The following C1orf105 variants were observed in gnomAD, a reference collection of about 807,000 sequenced individuals.
C1orf105 encodes uncharacterized protein C1orf105.
Under a neutral mutation model 20.8 loss-of-function variants are expected in C1orf105, and 17 were observed. The observed-to-expected ratio is 0.82, with a 90% CI of 0.56 to 1.23. The LOEUF (loss-of-function observed/expected upper bound fraction) is 1.23. Among genes scored for constraint, C1orf105 ranks in the 50% most tolerant of loss-of-function variants. C1orf105 has a pLI of 0.00. For missense variants in C1orf105, 219 were observed against 213.5 expected, an observed-to-expected ratio of 1.03 and a Z score of -0.16; for synonymous variants, 72 against 72.1, an observed-to-expected ratio of 1.00 and a Z score of 0.01.
intron 6 of C1orf105, 22 bp from the exon 7 acceptor site, chr1:172,468,427 T>C: frequency 6.3e-7 from 1 of 1,593,390 alleles, no homozygotes; most frequent in Non-Finnish European, 8.6e-7. Flanking sequence ...TATCCTTCTT[T>C]CCTTCTTGTA....
At chr1:172,456,196 A>G (rs1164289227) in intron 3 of C1orf105, among the ~76,000 whole-genome samples, 1 of 151,812 alleles carries the variant, frequency 6.6e-6, no homozygotes, top group African/African-American at 2.4e-5. Context: ...CACCTAGCCT[A>G]TGTCTCACTC....
chr1:172,445,663 A>G (rs1187220310), intron 2 of C1orf105, among the ~76,000 whole-genome samples: 1 of 152,176 alleles, frequency 6.6e-6, no homozygotes, highest in Non-Finnish European at 1.5e-5. Context: ...TTACATATCT[A>G]GGGAGCATTT....
intron 1 of C1orf105, among the ~76,000 whole-genome samples, chr1:172,435,043 C>T (rs985027922): frequency 3.9e-5 from 6 of 152,124 alleles, no homozygotes; most frequent in South Asian, 2.1e-4. Context: ...CACAACTAAA[C>T]GAGGAAAGAG....
At chr1:172,435,467 TC>T (rs769451616) in intron 1 of C1orf105, among the ~76,000 whole-genome samples, 1 of 151,980 alleles carries the variant, frequency 6.6e-6, no homozygotes, top group Non-Finnish European at 1.5e-5. Flanking sequence ...ACGTAATCCA[TC>T]ACATAAACAG....
At chr1:172,444,987 G>A in intron 1 of C1orf105, 86 bp from the exon 2 acceptor site, 2 of 1,037,926 alleles carry the variant, frequency 1.9e-6, no homozygotes, top group South Asian at 2.9e-5. Context: ...TCACTATATG[G>A]CTGCTATTAG....
chr1:172,468,329 A>C, intron 6 of C1orf105, 120 bp from the exon 7 acceptor site: 2 of 774,002 alleles, frequency 2.6e-6, no homozygotes, highest in Admixed American at 6.3e-5. Flanking sequence ...TATTAGGTGA[A>C]TTTTAAATCT....
At chr1:172,448,415 A>G in intron 2 of C1orf105, 26 bp from the exon 3 acceptor site, 1 of 1,499,984 alleles carries the variant, frequency 6.7e-7, no homozygotes, top group Non-Finnish European at 9.3e-7. Context: ...CTGCGGTTCT[A>G]ACGTTCTCTT....
chr1:172,440,830 G>T (rs1647225328), intron 1 of C1orf105, among the ~76,000 whole-genome samples: 1 of 152,182 alleles, frequency 6.6e-6, no homozygotes, highest in South Asian at 2.1e-4. Flanking sequence ...ATTTCTTTTA[G>T]AATCCTATCT....
intron 4 of C1orf105, among the ~76,000 whole-genome samples, chr1:172,458,801 A>G (rs1374840007): frequency 6.6e-6 from 1 of 152,186 alleles, no homozygotes; most frequent in Non-Finnish European, 1.5e-5. Flanking sequence ...AAAACTAACT[A>G]CAAAGCTATG....
intron 1 of C1orf105, among the ~76,000 whole-genome samples, chr1:172,432,978 C>T (rs1343292579): frequency 6.6e-6 from 1 of 152,166 alleles, no homozygotes; most frequent in Non-Finnish European, 1.5e-5. Context: ...CATACACAAG[C>T]TTCAATAGCC....
chr1:172,447,965 G>GA (rs1648198017), intron 2 of C1orf105, among the ~76,000 whole-genome samples: 1 of 152,160 alleles, frequency 6.6e-6, no homozygotes, highest in African/African-American at 2.4e-5. Context: ...TAACTAGAAA[G>GA]AAAAAATGTT....
rs747673164 is a variant in C1orf105 at position 172,428,808 on chromosome 1, C to A, written c.21+7902C>A. ...TTTATTTACAGATATATTCCAAGCA[C>A]ACAGAACAGTATTTGTCATACAGTA... On this transcript the variant is annotated intron_variant, in intron 1 of 6. Transcript: ENST00000367727. 52 of 699,062 alleles carry A rather than the reference C, an allele frequency of 7.4e-5. 1 individual carries two copies. The South Asian group carries it at 7.8e-4, about 10-fold the overall frequency. 43.3% of individuals were successfully genotyped at this position (699,062 alleles called of 1,614,324 possible). A position where few individuals can be genotyped will look rare whatever the true frequency, so the allele number is the denominator to read the frequency against.
chr1:172,461,140 C>T (rs1280293938), intron 4 of C1orf105, among the ~76,000 whole-genome samples: 1 of 152,232 alleles, frequency 6.6e-6, no homozygotes, highest in Non-Finnish European at 1.5e-5. Flanking sequence ...TGGCTGCCCC[C>T]ACTATGCCCA....
At chr1:172,440,119 G>C (rs751677674) in intron 1 of C1orf105, among the ~76,000 whole-genome samples, 1 of 152,206 alleles carries the variant, frequency 6.6e-6, no homozygotes, top group African/African-American at 2.4e-5. Context: ...TCATGTCCCA[G>C]ACATTCTTGA....
chr1:172,426,159 T>C (rs867317245), intron 1 of C1orf105, among the ~76,000 whole-genome samples: 1 of 152,100 alleles, frequency 6.6e-6, no homozygotes, highest in Non-Finnish European at 1.5e-5. Context: ...CACTTCACAA[T>C]CTTACTCTAA....
At chr1:172,444,334 T>C (rs933339522) in intron 1 of C1orf105, 1 of 982,118 alleles carries the variant, frequency 1.0e-6, no homozygotes, top group Non-Finnish European at 1.2e-6. Context: ...AGGTGAGAGA[T>C]AATGGCCGCT....
At chr1:172,429,389 A>G (rs561823589) in intron 1 of C1orf105, among the ~76,000 whole-genome samples, 1 of 152,300 alleles carries the variant, frequency 6.6e-6, no homozygotes, top group Admixed American at 6.5e-5. Context: ...GAGACCTCAG[A>G]CTCATTAATT....
chr1:172,426,776 C>T (rs1291481231), intron 1 of C1orf105, among the ~76,000 whole-genome samples: 2 of 152,148 alleles, frequency 1.3e-5, no homozygotes, highest in Non-Finnish European at 2.9e-5. Flanking sequence ...GCCCTCTGTC[C>T]TTCACCCTTC....
At chr1:172,449,659 G>T (rs1648392316) in intron 3 of C1orf105, among the ~76,000 whole-genome samples, 1 of 152,132 alleles carries the variant, frequency 6.6e-6, no homozygotes, top group Non-Finnish European at 1.5e-5. Context: ...GAGCAGAGAG[G>T]ACACATTGAA....
Sources: allele counts gnomAD v4.1 joint callset (sites outside exome capture counted in the v4.1 genomes callset), GRCh38; gene constraint gnomAD v4.1.1; transcripts MANE v1.5; gene names NCBI Gene and HGNC (gene_info 2026-07-23, HGNC 2026-07-21).